The following INTS7 variants were observed in gnomAD, a reference collection of about 807,000 sequenced individuals.
INTS7 encodes the protein chromosome 1 open reading frame 73.
A neutral mutation model predicts 109.2 loss-of-function variants in INTS7; 46 were observed. The ratio of observed to expected loss-of-function variants is 0.42; its 90% CI spans 0.33 to 0.54. INTS7 has a LOEUF of 0.54. Ranked by LOEUF, INTS7 falls within the 20% of genes least tolerant of loss-of-function variation. The pLI is 0.07. For missense variants in INTS7, 929 were observed against 1,132.4 expected (o/e 0.82, Z 2.58); for synonymous variants, 412 against 402.9 (o/e 1.02, Z -0.27).
At chr1:211,968,386 T>C in intron 14 of INTS7, 127 bp downstream of exon 14, 1 of 764,084 alleles carries the variant, frequency 1.3e-6, no homozygotes, top group Non-Finnish European at 2.1e-6. Context: ...GCCAGACAGT[T>C]GAGTGAATAA....
chr1:211,961,146 A>C (rs1273104195), intron 16 of INTS7, among the ~76,000 whole-genome samples: 2 of 152,252 alleles, frequency 1.3e-5, no homozygotes, highest in African/African-American at 4.8e-5. Flanking sequence ...AATGGAAGCA[A>C]CTTGGAAGAC....
intron 7 of INTS7, among the ~76,000 whole-genome samples, chr1:211,993,499 A>G (rs1158691928): frequency 8.6e-5 from 13 of 151,824 alleles, no homozygotes; most frequent in African/African-American, 2.9e-4. Context: ...GGCCAACATG[A>G]TGAAACTCTG....
intron 1 of INTS7, among the ~76,000 whole-genome samples, chr1:212,022,830 G>A (rs562691473): frequency 6.6e-6 from 1 of 152,198 alleles, no homozygotes; most frequent in East Asian, 1.9e-4. Flanking sequence ...TCTGGGGTAC[G>A]CATGATCCCA....
At chr1:211,997,803 T>C (rs2102454140) in intron 7 of INTS7, among the ~76,000 whole-genome samples, 1 of 148,688 alleles carries the variant, frequency 6.7e-6, no homozygotes, top group South Asian at 2.2e-4. Context: ...GGCTTGAACC[T>C]GGGAGGTGGA....
At chr1:211,971,915 CAAAAAA>C (rs745814699) in intron 13 of INTS7, among the ~76,000 whole-genome samples, 2 of 79,820 alleles carry the variant, frequency 2.5e-5, no homozygotes, top group South Asian at 8.9e-4. Context: ...AACTCAGTCT[CAAAAAA>C]AAAAAAAAAA....
intron 1 of INTS7, among the ~76,000 whole-genome samples, chr1:212,027,322 G>T (rs922769563): frequency 6.6e-6 from 1 of 152,158 alleles, no homozygotes; most frequent in Non-Finnish European, 1.5e-5. Flanking sequence ...TATAAGAGGG[G>T]CTAGACATTT....
At chr1:212,033,226 C>A (rs1015904385) in intron 1 of INTS7, among the ~76,000 whole-genome samples, 4 of 152,280 alleles carry the variant, frequency 2.6e-5, no homozygotes, top group Middle Eastern at 3.4e-3. Flanking sequence ...AGCCTTCTGA[C>A]CTTTAGCTCA....
At chr1:211,945,089 CACAGG>C in intron 18 of INTS7, 120 bp from the exon 19 acceptor site, 1 of 836,560 alleles carries the variant, frequency 1.2e-6, no homozygotes, top group African/African-American at 1.7e-5. Flanking sequence ...CCCCCACCCC[CACAGG>C]ACCTGACTGT....
intron 16 of INTS7, among the ~76,000 whole-genome samples, chr1:211,958,832 C>T (rs1663479545): frequency 6.6e-6 from 1 of 152,054 alleles, no homozygotes; most frequent in Non-Finnish European, 1.5e-5. Context: ...TGTAAATGGG[C>T]AAGATGGCTG....
In INTS7 at chr1:211,968,464, G is replaced by A. The variant is rs764924731; in HGVS notation, c.2010+49C>T. 25 of 1,476,374 alleles carry A rather than the reference G, an allele frequency of 1.7e-5. No homozygotes were observed. In the East Asian group the frequency reaches 2.0e-4, roughly 12 times the overall value. The allele number at this position is 1,476,374 out of a possible 1,614,324, so 91.5% of individuals were successfully genotyped here. The stretch of plus-strand genomic sequence containing the variant: ...TTACAACTTTTCATCTTATAACTTC[G>A]AAAACCTCTAAAGTGTAAATAAAAA... On this transcript the variant is annotated intron_variant, in intron 14 of 19. Transcript: ENST00000366994.
rs139815157 is a variant in INTS7 at position 212,035,002 on chromosome 1, C to G, written c.94+342G>C. Among the ~76,000 whole-genome samples the G allele has an allele frequency of 1.8e-4, 28 of 152,312 alleles. No individual in the cohort carries two copies. In the South Asian group the frequency reaches 2.1e-3, roughly 11 times the overall value. On this transcript the variant is annotated intron_variant, in intron 1 of 19. Transcript: ENST00000366994. ...TCATGAAGACCTGGTCTCAACTGAA[C>G]AGACTGAAAACCAATTTCACAATTT...
intron 12 of INTS7, among the ~76,000 whole-genome samples, chr1:211,975,866 C>G (rs1408270764): frequency 6.6e-6 from 1 of 152,086 alleles, no homozygotes; most frequent in Non-Finnish European, 1.5e-5. Context: ...GCTTCTCCCC[C>G]ATTTGAGAAG....
At chr1:211,953,743 T>C (rs1283114013) in intron 16 of INTS7, among the ~76,000 whole-genome samples, 2 of 151,664 alleles carry the variant, frequency 1.3e-5, no homozygotes, top group Non-Finnish European at 2.9e-5. Context: ...TCATTTTTTA[T>C]GGCTGCATAG....
intron 3 of INTS7, among the ~76,000 whole-genome samples, chr1:212,018,031 C>T (rs1289858634): frequency 1.3e-5 from 2 of 152,074 alleles, no homozygotes; most frequent in African/African-American, 2.4e-5. Flanking sequence ...CCACTGCTTC[C>T]GGCTTAATTT....
At chr1:212,015,710 TAAAAAAAAAAAAAAAAAA>T (rs58204818) in intron 4 of INTS7, among the ~76,000 whole-genome samples, 19 of 34,982 alleles carry the variant, frequency 5.4e-4, no homozygotes, top group African/African-American at 2.1e-3. Context: ...CAATAAATAC[TAAAAAAAAAAAAAAAAAA>T]AAAAAAAAAA....
chr1:211,967,938 T>C lies in INTS7; in HGVS notation c.2054A>G (p.Tyr685Cys), dbSNP rs1663979521. 2 of 1,609,128 alleles carry C rather than the reference T, an allele frequency of 1.2e-6. No individual in the cohort carries two copies. Among genetic ancestry groups the C allele is most frequent in the Admixed American group, 1.7e-5 (1 of 59,068 alleles). ...MEEFRSLASR[Y>C]GDLYQASFDA... The stretch of plus-strand genomic sequence containing the variant: ...AAAAGATGCCTGGTAAAGATCTCCA[T>C]ATCGAGAAGCAAGGCTTCGAAATTC... Residue 685 changes from tyrosine (Y) to cysteine (C), a missense_variant, in exon 15 of 20, where the codon TAT becomes TGT. Physicochemically the swap from Tyr to Cys is radical, Grantham distance 194 (BLOSUM62 -2). This residue lies in a region of INTS7 where 787 missense variants were observed against 901.1 expected (regional missense o/e 0.87). Coordinates refer to ENST00000366994, the MANE Select transcript of INTS7 (RefSeq NM_015434.4).
rs566980048 is a variant in INTS7 at position 211,940,839 on chromosome 1, G to A, written c.*985C>T. On this transcript the variant is annotated 3_prime_UTR_variant, in exon 20 of 20. Transcript: ENST00000366994. ...ACTTAAAACATTGAAGATATTAAAT[G>A]AGTGTTCTTCACTTTTGGAAACAAT... 1 of 152,262 alleles carries A rather than the reference G, an allele frequency of 6.6e-6. No homozygotes were observed. The highest frequency in any genetic ancestry group is 2.1e-4 in the South Asian group (1 of 4,822). 9.4% of individuals were successfully genotyped at this position (152,262 alleles called of 1,614,324 possible).
At chr1:211,994,982 A>G (rs1393084660) in intron 7 of INTS7, among the ~76,000 whole-genome samples, 1 of 152,092 alleles carries the variant, frequency 6.6e-6, no homozygotes, top group Non-Finnish European at 1.5e-5. Context: ...AAGAAACTTC[A>G]TAGTATTAAA....
At chr1:211,990,249 G>C (rs1345040752) in intron 7 of INTS7, among the ~76,000 whole-genome samples, 1 of 151,476 alleles carries the variant, frequency 6.6e-6, no homozygotes, top group Non-Finnish European at 1.5e-5. Flanking sequence ...CCATCAGTGG[G>C]GAACTGGGTA....
Sources: allele counts gnomAD v4.1 joint callset (sites outside exome capture counted in the v4.1 genomes callset), GRCh38; gene constraint gnomAD v4.1.1; regional missense constraint gnomAD v4.1.1; transcripts MANE v1.5; gene names NCBI Gene and HGNC (gene_info 2026-07-23, HGNC 2026-07-21).